The following CADM2 variants were observed in gnomAD, a reference collection of about 807,000 sequenced individuals.
CADM2 encodes cell adhesion molecule 2.
CADM2 carries 12 observed loss-of-function variants against 49.8 expected under a neutral mutation model. That is an observed-to-expected ratio of 0.24 (90% CI 0.15 to 0.39). The LOEUF (loss-of-function observed/expected upper bound fraction) is 0.39. CADM2 is among the 10% of genes least tolerant of loss of function. The pLI is 1.00. For missense variants in CADM2, 378 were observed against 492.3 expected, an observed-to-expected ratio of 0.77 and a Z score of 2.20; for synonymous variants, 214 against 175.4, an observed-to-expected ratio of 1.22 and a Z score of -1.74.
At chr3:85,949,857 A>AAATAGGACC in intron 7 of CADM2, among the ~76,000 whole-genome samples, 1 of 151,046 alleles carries the variant, frequency 6.6e-6, no homozygotes, top group Admixed American at 6.6e-5. Context: ...GGGTTGTAAA[A>AAATAGGACC]TTACTCTTGT....
intron 1 of CADM2, among the ~76,000 whole-genome samples, chr3:85,012,604 G>A (rs1398275159): frequency 6.6e-6 from 1 of 150,566 alleles, no homozygotes; most frequent in African/African-American, 2.4e-5. Flanking sequence ...TTTGTGTTCA[G>A]TAATAAGATA....
At chr3:85,098,420 C>T (rs538877036) in intron 1 of CADM2, among the ~76,000 whole-genome samples, 1 of 151,920 alleles carries the variant, frequency 6.6e-6, no homozygotes, top group African/African-American at 2.4e-5. Context: ...ATTGTATAAC[C>T]TTGCACAAGT....
chr3:85,427,956 C>T (rs2036489923), intron 1 of CADM2, among the ~76,000 whole-genome samples: 1 of 151,986 alleles, frequency 6.6e-6, no homozygotes, highest in South Asian at 2.1e-4. Context: ...TCATTCAAAG[C>T]TAGGAAGAAA....
chr3:85,600,181 A>G (rs1402293243), intron 1 of CADM2, among the ~76,000 whole-genome samples: 2 of 151,902 alleles, frequency 1.3e-5, no homozygotes. Flanking sequence ...AAGCATTTTT[A>G]TATGTTTGAA....
chr3:86,017,957 A>T (rs1732525567), intron 8 of CADM2, among the ~76,000 whole-genome samples: 1 of 140,692 alleles, frequency 7.1e-6, no homozygotes, highest in Non-Finnish European at 1.5e-5. Flanking sequence ...TACATGTGCC[A>T]TGCTGGTGCG....
chr3:85,055,401 A>C (rs2036042155), intron 1 of CADM2, among the ~76,000 whole-genome samples: 1 of 152,036 alleles, frequency 6.6e-6, no homozygotes, highest in African/African-American at 2.4e-5. Flanking sequence ...CAAGTTAATA[A>C]AATGAAATTG....
intron 1 of CADM2, among the ~76,000 whole-genome samples, chr3:85,147,579 T>G (rs2039789237): frequency 6.6e-6 from 1 of 152,138 alleles, no homozygotes; most frequent in Non-Finnish European, 1.5e-5. Flanking sequence ...TTTTCTTTTC[T>G]TTATGCTGAC....
intron 1 of CADM2, among the ~76,000 whole-genome samples, chr3:85,129,138 A>G (rs2107606039): frequency 6.6e-6 from 1 of 152,262 alleles, no homozygotes; most frequent in South Asian, 2.1e-4. Flanking sequence ...CACCACATCA[A>G]TGCTTAGGCC....
At chr3:85,308,310 T>TACACACACACACACACACAC (rs10662960) in intron 1 of CADM2, among the ~76,000 whole-genome samples, 73 of 143,608 alleles carry the variant, frequency 5.1e-4, no homozygotes, top group Middle Eastern at 3.5e-3. Context: ...TCTACCTCTC[T>TACACACACACACACACACAC]ACACACACAC....
At chr3:85,015,555 TAAGCACTTGAAG>T (rs2034215056) in intron 1 of CADM2, among the ~76,000 whole-genome samples, 1 of 152,164 alleles carries the variant, frequency 6.6e-6, no homozygotes, top group Non-Finnish European at 1.5e-5. Context: ...AAATATATGC[TAAGCACTTGAAG>T]AATACAAAAA....
At chr3:85,732,029 C>T (rs2067953624) in intron 2 of CADM2, among the ~76,000 whole-genome samples, 2 of 143,602 alleles carry the variant, frequency 1.4e-5, no homozygotes, top group Admixed American at 7.3e-5. Context: ...AAGTGGATCA[C>T]TTGAGGTCAT....
intron 1 of CADM2, among the ~76,000 whole-genome samples, chr3:85,435,130 A>G (rs1206153004): frequency 6.6e-6 from 1 of 151,964 alleles, no homozygotes; most frequent in East Asian, 1.9e-4. Context: ...TCTACCTATC[A>G]TCTACATTAG....
chr3:85,695,806 C>T (rs958045525), intron 1 of CADM2, among the ~76,000 whole-genome samples: 1 of 152,016 alleles, frequency 6.6e-6, no homozygotes, highest in Non-Finnish European at 1.5e-5. Context: ...AATGGTAGAT[C>T]TATTTTAGTT....
At chr3:85,199,764 A>G (rs937703223) in intron 1 of CADM2, among the ~76,000 whole-genome samples, 4 of 152,062 alleles carry the variant, frequency 2.6e-5, no homozygotes, top group Non-Finnish European at 4.4e-5. Flanking sequence ...AAGTGGGGAA[A>G]ACAAACCTGT....
intron 1 of CADM2, among the ~76,000 whole-genome samples, chr3:85,569,744 G>A (rs1216524035): frequency 1.3e-5 from 2 of 149,984 alleles, no homozygotes; most frequent in East Asian, 3.9e-4. Flanking sequence ...AATGAAATGA[G>A]AAATTAGAGT....
intron 2 of CADM2, among the ~76,000 whole-genome samples, chr3:85,732,666 A>G (rs1416481462): frequency 2.6e-5 from 4 of 152,212 alleles, no homozygotes; most frequent in African/African-American, 9.6e-5. Flanking sequence ...TATAACAGCT[A>G]ATATTTCTTA....
At chr3:85,734,829 C>T (rs1001982424) in intron 2 of CADM2, among the ~76,000 whole-genome samples, 1 of 149,804 alleles carries the variant, frequency 6.7e-6, no homozygotes, top group Non-Finnish European at 1.5e-5. Context: ...ATAATAGACA[C>T]GTTAAGGGAA....
chr3:85,380,111 G>A (rs1355908609), intron 1 of CADM2, among the ~76,000 whole-genome samples: 2 of 151,954 alleles, frequency 1.3e-5, no homozygotes, highest in African/African-American at 4.8e-5. Flanking sequence ...GTTATCGCAT[G>A]CATATTAATA....
intron 1 of CADM2, among the ~76,000 whole-genome samples, chr3:85,386,735 T>G (rs2034252724): frequency 6.6e-6 from 1 of 152,196 alleles, no homozygotes; most frequent in African/African-American, 2.4e-5. Flanking sequence ...TACTACCTTT[T>G]GCATGTTAAG....
Sources: gnomAD v4.1 joint callset for allele counts (sites outside exome capture counted in the v4.1 genomes callset) on GRCh38, gnomAD v4.1.1 for gene constraint, MANE v1.5 for transcripts, NCBI Gene and HGNC (gene_info 2026-07-23, HGNC 2026-07-21) for gene names.